AP1S3: variants seen among roughly 807,000 people sequenced by gnomAD.
AP1S3 encodes the protein AP-1 complex subunit sigma-3.
A neutral mutation model predicts 20.9 loss-of-function variants in AP1S3; 10 were observed. The observed-to-expected ratio is 0.48, with a 90% CI of 0.29 to 0.81. The LOEUF is 0.81. Ranked by LOEUF, AP1S3 falls within the 30% of genes least tolerant of loss-of-function variation. The pLI, the probability that AP1S3 is intolerant of heterozygous loss-of-function variation, is 0.08. For synonymous variants in AP1S3, 41 were observed against 61.5 expected, an observed-to-expected ratio of 0.67 and a Z score of 1.56; for missense variants, 154 against 183.8, an observed-to-expected ratio of 0.84 and a Z score of 0.94.
chr2:223,813,073 C>T (rs59146769), intron 1 of AP1S3, among the ~76,000 whole-genome samples: 3,187 of 151,930 alleles, frequency 0.021, 116 homozygotes, highest in African/African-American at 0.072. Flanking sequence ...GGATTATAGC[C>T]GTGTGCCACC....
chr2:223,831,813 A>G (rs1037813263), intron 1 of AP1S3, among the ~76,000 whole-genome samples: 1 of 152,212 alleles, frequency 6.6e-6, no homozygotes, highest in African/African-American at 2.4e-5. Context: ...ACGGTGGCTC[A>G]TGCCTGTAAT....
At chr2:223,832,807 C>CTTTTTTT (rs66947467) in intron 1 of AP1S3, among the ~76,000 whole-genome samples, 4 of 129,932 alleles carry the variant, frequency 3.1e-5, no homozygotes, top group Admixed American at 8.0e-5. Flanking sequence ...TTTCTTTTTT[C>CTTTTTTT]TTTTTTTTTT....
At chr2:223,828,961 G>A (rs1175011554) in intron 1 of AP1S3, among the ~76,000 whole-genome samples, 5 of 152,088 alleles carry the variant, frequency 3.3e-5, no homozygotes, top group Admixed American at 2.6e-4. Context: ...TCAGCCTCCC[G>A]ACTAGCTGGG....
chr2:223,805,397 C>T (rs935841734), intron 1 of AP1S3, among the ~76,000 whole-genome samples: 68 of 152,176 alleles, frequency 4.5e-4, no homozygotes, highest in African/African-American at 1.6e-3. Flanking sequence ...GAGCCAAGAT[C>T]GCACCATTAC....
Position 223,810,457 on chromosome 2 carries a change from C to T in AP1S3, c.3+26991G>A, listed in dbSNP as rs563636903. ...CCAAGTAGCTGGGACTACAGGCATG[C>T]GCCACCACACCAAGCTAATGTTTAT... On this transcript the variant is annotated intron_variant, in intron 1 of 4. Transcript: ENST00000396654. Among the ~76,000 whole-genome samples, 337 of 152,142 alleles carry T rather than the reference C, an allele frequency of 2.2e-3. 2 individuals are homozygous for T. Among genetic ancestry groups the T allele is most frequent in the Non-Finnish European group, 3.7e-3 (249 of 67,998 alleles).
At chr2:223,834,362 G>A (rs947311492) in intron 1 of AP1S3, among the ~76,000 whole-genome samples, 2 of 152,084 alleles carry the variant, frequency 1.3e-5, no homozygotes, top group Non-Finnish European at 2.9e-5. Context: ...AGGACAAGGT[G>A]GGAATATTAC....
intron 1 of AP1S3, among the ~76,000 whole-genome samples, chr2:223,833,882 T>TTTTATTTATTTATTTA (rs71408596): frequency 6.6e-4 from 97 of 146,032 alleles, no homozygotes; most frequent in East Asian, 3.6e-3. Context: ...TTTACACTCT[T>TTTTATTTATTTATTTA]TTTATTTATT....
intron 1 of AP1S3, among the ~76,000 whole-genome samples, chr2:223,821,815 T>C (rs1169289239): frequency 6.6e-6 from 1 of 152,220 alleles, no homozygotes; most frequent in Non-Finnish European, 1.5e-5. Context: ...TCTGACATAC[T>C]TGGAAAATAA....
At chr2:223,818,115 T>C (rs923757740) in intron 1 of AP1S3, among the ~76,000 whole-genome samples, 6 of 150,340 alleles carry the variant, frequency 4.0e-5, no homozygotes, top group Non-Finnish European at 7.4e-5. Context: ...TTGGATTCTA[T>C]ACTTCTATAA....
intron 1 of AP1S3, among the ~76,000 whole-genome samples, chr2:223,796,015 A>G (rs981545735): frequency 6.6e-6 from 1 of 152,166 alleles, no homozygotes; most frequent in Non-Finnish European, 1.5e-5. Flanking sequence ...TCTACTAAAA[A>G]TACAAAAATT....
At chr2:223,770,497 TAC>T (rs58486635) in intron 3 of AP1S3, among the ~76,000 whole-genome samples, 225 of 141,696 alleles carry the variant, frequency 1.6e-3, no homozygotes, top group Admixed American at 2.2e-3. Context: ...AGAGAGACAA[TAC>T]ACACACACAC....
Position 223,758,206 on chromosome 2 carries a change from G to A in AP1S3, c.*509C>T. The A allele has an allele frequency of 3.1e-6, 3 of 979,386 alleles. No homozygotes were observed. The highest frequency in any genetic ancestry group is 3.6e-6 in the Non-Finnish European group (3 of 824,100). 60.7% of individuals were successfully genotyped at this position (979,386 alleles called of 1,614,324 possible). On this transcript the variant is annotated 3_prime_UTR_variant, in exon 5 of 5. Transcript: ENST00000396654. ...ATTTTGTATGTGAATTGCAGTTACA[G>A]TACTATTAAGTGTATGAAAAATGTC...
intron 3 of AP1S3, among the ~76,000 whole-genome samples, chr2:223,766,033 G>A (rs1008238342): frequency 2.6e-5 from 4 of 152,126 alleles, no homozygotes; most frequent in African/African-American, 9.7e-5. Context: ...TTTAAGTGTA[G>A]CAAGTATGGC....
intron 2 of AP1S3, 146 bp downstream of exon 2, chr2:223,777,545 T>C (rs1302395548): frequency 7.4e-6 from 5 of 674,360 alleles, no homozygotes; most frequent in Non-Finnish European, 1.2e-5. Flanking sequence ...AGTTCTTTTC[T>C]AGTTAGTCTA....
chr2:223,805,950 T>C (rs1241329055), intron 1 of AP1S3, among the ~76,000 whole-genome samples: 1 of 152,180 alleles, frequency 6.6e-6, no homozygotes, highest in East Asian at 1.9e-4. Context: ...AGCAAAAATG[T>C]CACAGGAGTT....
chr2:223,775,076 A>T (rs1690752186), intron 3 of AP1S3, among the ~76,000 whole-genome samples: 1 of 151,854 alleles, frequency 6.6e-6, no homozygotes, highest in Non-Finnish European at 1.5e-5. Flanking sequence ...CATGGTGAGC[A>T]AGGGTCCAGT....
In AP1S3 at chr2:223,755,741, G is replaced by A. The variant is rs920742555; in HGVS notation, c.*2974C>T. 4.9e-6 allele frequency: 3 copies of A among 611,270 alleles called. No individual in the cohort carries two copies. The African/African-American group carries it at 6.0e-5, about 12-fold the overall frequency. 37.9% of individuals were successfully genotyped at this position (611,270 alleles called of 1,614,324 possible). A position where few individuals can be genotyped will look rare whatever the true frequency, so the allele number is the denominator to read the frequency against. On this transcript the variant is annotated 3_prime_UTR_variant, in exon 5 of 5. Coordinates refer to ENST00000396654, the MANE Select transcript of AP1S3 (RefSeq NM_001039569.2). ...AGACAGGGTTTCACCATGTTGGCCA[G>A]GCTGGTCTCGAACTCCTGACCTCAG...
chr2:223,770,317 A>G (rs1453338950), intron 3 of AP1S3: 1 of 1,550,492 alleles, frequency 6.4e-7, no homozygotes. Context: ...GAAACCAGCA[A>G]TTAAACTCCT....
chr2:223,793,963 G>A (rs1691275834), intron 1 of AP1S3, among the ~76,000 whole-genome samples: 2 of 151,976 alleles, frequency 1.3e-5, no homozygotes, highest in Non-Finnish European at 2.9e-5. Context: ...TAAAGAGAAA[G>A]GATTGATAGT....
Sources: allele counts gnomAD v4.1 joint callset (sites outside exome capture counted in the v4.1 genomes callset), GRCh38; gene constraint gnomAD v4.1.1; transcripts MANE v1.5; gene names NCBI Gene and HGNC (gene_info 2026-07-23, HGNC 2026-07-21).